Variants in CATSPERT observed in about 807,000 individuals in gnomAD.
The protein encoded by CATSPERT is cation channel sperm-associated targeting subunit tau.
At chr2:201,569,413 T>A in the CATSPERT span, among the ~76,000 whole-genome samples, 1 of 152,216 alleles carries the variant, frequency 6.6e-6, no homozygotes, top group Non-Finnish European at 1.5e-5. Flanking sequence ...AGGTTTATAC[T>A]AGCAAGACTA....
the CATSPERT span, among the ~76,000 whole-genome samples, chr2:201,525,338 C>A: frequency 6.6e-6 from 1 of 152,112 alleles, no homozygotes; most frequent in Non-Finnish European, 1.5e-5. Flanking sequence ...GGAAATTAGA[C>A]AACCTAATTC....
the CATSPERT span, among the ~76,000 whole-genome samples, chr2:201,562,144 C>T: frequency 6.6e-6 from 1 of 151,282 alleles, no homozygotes; most frequent in Non-Finnish European, 1.5e-5. Flanking sequence ...GGTATGCTGA[C>T]TCCTTTCCTT....
chr2:201,489,404 G>A, the CATSPERT span, among the ~76,000 whole-genome samples: 1 of 151,962 alleles, frequency 6.6e-6, no homozygotes, highest in African/African-American at 2.4e-5. Context: ...GTGTAGACAC[G>A]TGTGTATATA....
chr2:201,548,328 T>G, the CATSPERT span, among the ~76,000 whole-genome samples: 3 of 152,114 alleles, frequency 2.0e-5, no homozygotes, highest in Non-Finnish European at 4.4e-5. Context: ...CCTCACATAG[T>G]GGAAAGAGAT....
the CATSPERT span, chr2:201,535,743 T>G: frequency 7.4e-7 from 1 of 1,347,646 alleles, no homozygotes; most frequent in Non-Finnish European, 9.5e-7. Context: ...TTGGAGACAT[T>G]TGAATGCATT....
chr2:201,571,781 C>G, the CATSPERT span, among the ~76,000 whole-genome samples: 1 of 152,132 alleles, frequency 6.6e-6, no homozygotes. Flanking sequence ...TGTTATTAAG[C>G]AAAACAATTC....
At chr2:201,521,072 G>A in the CATSPERT span, among the ~76,000 whole-genome samples, 1 of 151,958 alleles carries the variant, frequency 6.6e-6, no homozygotes. Context: ...AGTCTGAACA[G>A]ACCAATAAGA....
At chr2:201,527,389 GC>G in the CATSPERT span, among the ~76,000 whole-genome samples, 1 of 152,040 alleles carries the variant, frequency 6.6e-6, no homozygotes, top group African/African-American at 2.4e-5. Flanking sequence ...GACATTCTTT[GC>G]AGAATTAGAA....
At chr2:201,531,702 A>C in the CATSPERT span, among the ~76,000 whole-genome samples, 1 of 152,208 alleles carries the variant, frequency 6.6e-6, no homozygotes, top group Non-Finnish European at 1.5e-5. Flanking sequence ...CTCCCCTGAC[A>C]GAGAAGAATA....
chr2:201,582,326 AT>A, the CATSPERT span: 316 of 964,574 alleles, frequency 3.3e-4, no homozygotes, highest in African/African-American at 4.6e-3. Context: ...TATTATGCAA[AT>A]ACTATTGCAT....
the CATSPERT span, chr2:201,491,660 T>C: frequency 6.5e-7 from 1 of 1,537,142 alleles, no homozygotes; most frequent in East Asian, 2.4e-5. Flanking sequence ...TCATCTTCCC[T>C]TGGCATTCTG....
chr2:201,530,418 C>A, the CATSPERT span, among the ~76,000 whole-genome samples: 15 of 152,110 alleles, frequency 9.9e-5, no homozygotes, highest in African/African-American at 3.1e-4. Flanking sequence ...TACTACGCAG[C>A]CTTAAAAAAG....
the CATSPERT span, among the ~76,000 whole-genome samples, chr2:201,496,363 G>C: frequency 1.3e-5 from 2 of 152,082 alleles, no homozygotes; most frequent in Non-Finnish European, 2.9e-5. Flanking sequence ...ATTTTTTCGA[G>C]ACAGAGTCTT....
the CATSPERT span, among the ~76,000 whole-genome samples, chr2:201,497,325 A>G: frequency 3.3e-5 from 5 of 152,148 alleles, no homozygotes; most frequent in African/African-American, 1.2e-4. Flanking sequence ...TTCTTGACAT[A>G]CATCTTGTAC....
chr2:201,603,323 T>C, the CATSPERT span: 1 of 1,541,850 alleles, frequency 6.5e-7, no homozygotes, highest in Non-Finnish European at 8.9e-7. Flanking sequence ...ATTTAAAAAG[T>C]TAACTGTTCT....
the CATSPERT span, chr2:201,572,047 C>T: frequency 2.2e-5 from 34 of 1,556,192 alleles, no homozygotes; most frequent in East Asian, 7.2e-4. Flanking sequence ...TGTATTTTAG[C>T]ACTGTTTAGT....
At chr2:201,527,654 G>A in the CATSPERT span, among the ~76,000 whole-genome samples, 1 of 152,172 alleles carries the variant, frequency 6.6e-6, no homozygotes, top group East Asian at 1.9e-4. Context: ...AACAAGCAGT[G>A]GGAAAGGCAC....
chr2:201,552,055 A>T, the CATSPERT span, among the ~76,000 whole-genome samples: 1 of 150,240 alleles, frequency 6.7e-6, no homozygotes, highest in Non-Finnish European at 1.5e-5. Flanking sequence ...CAGTGGTGCG[A>T]TCTCGGCCCC....
At chr2:201,574,477 A>C in the CATSPERT span, among the ~76,000 whole-genome samples, 1 of 152,240 alleles carries the variant, frequency 6.6e-6, no homozygotes, top group South Asian at 2.1e-4. Context: ...CCTTTATGTT[A>C]AAGTTAAGTA....
Sources: gnomAD v4.1 joint callset for allele counts (sites outside exome capture counted in the v4.1 genomes callset) on GRCh38, gnomAD v4.1.1 for gene constraint, MANE v1.5 for transcripts, NCBI Gene and HGNC (gene_info 2026-07-23, HGNC 2026-07-21) for gene names.